The following BTAF1 variants were observed in gnomAD, a reference collection of about 807,000 sequenced individuals.
The protein encoded by BTAF1 is TATA-binding protein-associated factor 172.
BTAF1 carries 38 observed loss-of-function variants against 227.1 expected under a neutral mutation model. That is an observed-to-expected ratio of 0.17 (90% confidence interval 0.13 to 0.22). The LOEUF (loss-of-function observed/expected upper bound fraction) is 0.22, where lower values mean the gene tolerates loss of function less well. Among genes scored for constraint, BTAF1 ranks in the 10% least tolerant of loss-of-function variants. The pLI is 1.00. For synonymous variants in BTAF1, 742 were observed against 751.9 expected, an observed-to-expected ratio of 0.99 and a Z score of 0.21; for missense variants, 1,598 against 2,204.0, an observed-to-expected ratio of 0.73 and a Z score of 5.51.
chr10:92,026,561 G>T, intron 35 of BTAF1, 31 bp from the exon 36 acceptor site: 1 of 1,548,938 alleles, frequency 6.5e-7, no homozygotes, highest in South Asian at 1.2e-5. Flanking sequence ...CTTAAGAATG[G>T]ACTAATTTTA....
At chr10:91,941,530 A>G (rs767018294) in intron 3 of BTAF1, among the ~76,000 whole-genome samples, 47 of 152,326 alleles carry the variant, frequency 3.1e-4, no homozygotes, top group Non-Finnish European at 6.3e-4. Context: ...TAGACCTCAC[A>G]TGGATATGTG....
intron 3 of BTAF1, 37 bp downstream of exon 3, chr10:91,940,103 C>CCTAA: frequency 7.5e-7 from 1 of 1,342,120 alleles, no homozygotes; most frequent in South Asian, 1.2e-5. Flanking sequence ...TAAGTAAAAA[C>CCTAA]CTAACTGTAG....
At position 91,956,570 on chromosome 10, in the gene BTAF1, A is replaced by G; in HGVS notation, c.744A>G (p.Lys248=). 1 of 1,600,382 alleles carries G rather than the reference A, an allele frequency of 6.2e-7. No individual in the cohort carries two copies. Among genetic ancestry groups the G allele is most frequent in the Non-Finnish European group, 8.5e-7 (1 of 1,176,594 alleles). The part of the protein sequence containing the change: ...TDGEPEEKRR[K]IANVVINQSA... ...GGGAGCCAGAAGAAAAGAGACGGAA[A>G]ATAGCAAATGTTGTTATTAATCAGT... Residue 248 remains lysine (K), a synonymous_variant, in exon 7 of 38, where the codon AAA becomes AAG. Transcript: ENST00000265990.
chr10:91,958,852 T>G (rs1449082823), intron 8 of BTAF1, among the ~76,000 whole-genome samples: 1 of 152,230 alleles, frequency 6.6e-6, no homozygotes, highest in Middle Eastern at 3.2e-3. Context: ...TTTTCTTGCT[T>G]GATTTTTAAA....
At position 91,982,743 on chromosome 10, in the gene BTAF1, A is replaced by C. The variant is rs775854329; in HGVS notation, c.2205A>C (p.Glu735Asp). The change falls in exon 18 of 38, where the codon GAA (glutamate) becomes GAC (aspartate). Residue 735 changes from glutamate (E) to aspartate (D), a missense_variant. Coordinates refer to ENST00000265990, the MANE Select transcript of BTAF1 (RefSeq NM_003972.3). ...TTAGTGTAGCTTTGGTAATCTGTGAATGGGCTGCTTTACAAAAGGTAAGAT... is the reference window on the plus strand; with the variant it reads ...TTAGTGTAGCTTTGGTAATCTGTGACTGGGCTGCTTTACAAAAGGTAAGAT... ...QRISVALVICEWAALQKECKA... is the reference protein window; with the variant it reads ...QRISVALVICDWAALQKECKA... 6.2e-7 allele frequency: 1 copy of C among 1,609,690 alleles called. No individual in the cohort carries two copies. Among genetic ancestry groups the C allele is most frequent in the Non-Finnish European group, 8.5e-7 (1 of 1,178,112 alleles).
chr10:92,010,756 A>G (rs1316296744), intron 28 of BTAF1, among the ~76,000 whole-genome samples: 1 of 152,244 alleles, frequency 6.6e-6, no homozygotes, highest in Admixed American at 6.5e-5. Context: ...ATGGGGACAC[A>G]TGATTGGTAG....
At chr10:91,996,997 C>G (rs1808842720) in intron 24 of BTAF1, 1 of 689,932 alleles carries the variant, frequency 1.4e-6, no homozygotes, top group Admixed American at 2.7e-5. Flanking sequence ...CCATATTATA[C>G]TAGATAATTA....
intron 1 of BTAF1, among the ~76,000 whole-genome samples, chr10:91,927,911 G>A (rs192298040): frequency 2.3e-4 from 34 of 150,358 alleles, no homozygotes; most frequent in African/African-American, 5.6e-4. Flanking sequence ...TGATTTTACC[G>A]TAATTTGTGC....
intron 37 of BTAF1, among the ~76,000 whole-genome samples, chr10:92,028,202 T>C (rs1237076952): frequency 6.6e-6 from 1 of 152,186 alleles, no homozygotes; most frequent in Non-Finnish European, 1.5e-5. Flanking sequence ...TTTATTCTGT[T>C]TGAAGGAATA....
intron 4 of BTAF1, among the ~76,000 whole-genome samples, chr10:91,947,929 C>T (rs1398664581): frequency 6.6e-6 from 1 of 151,958 alleles, no homozygotes; most frequent in East Asian, 1.9e-4. Context: ...GAATTGTTTT[C>T]TTAATTTCAT....
chr10:91,924,061 C>A lies in BTAF1; in HGVS notation c.-16C>A. The A allele has an allele frequency of 6.2e-7, 1 of 1,607,534 alleles. No homozygotes were observed. The highest frequency in any genetic ancestry group is 2.3e-5 in the East Asian group (1 of 44,356). On this transcript the variant is annotated 5_prime_UTR_variant, in exon 1 of 38. Coordinates refer to ENST00000265990, the MANE Select transcript of BTAF1 (RefSeq NM_003972.3). The stretch of plus-strand genomic sequence containing the variant: ...CGCGTAGGTCGCGGGGAGCTCCGAA[C>A]CGCCGGCGCCCGGCCATGGCGGTCT...
At chr10:91,961,996 T>C (rs1010169647) in intron 11 of BTAF1, among the ~76,000 whole-genome samples, 1 of 152,204 alleles carries the variant, frequency 6.6e-6, no homozygotes, top group South Asian at 2.1e-4. Context: ...TTTGATGTTT[T>C]ATGTCTCATT....
At chr10:91,956,807 G>A in intron 7 of BTAF1, 150 bp downstream of exon 7, 1 of 776,698 alleles carries the variant, frequency 1.3e-6, no homozygotes, top group Non-Finnish European at 2.0e-6. Context: ...TGGCCAACAT[G>A]GTGAAACCCT....
In BTAF1 at chr10:91,975,515, T is replaced by C. The variant is rs1229375723; in HGVS notation, c.1651-4939T>C. On this transcript the variant is annotated intron_variant, in intron 14 of 37. Coordinates refer to ENST00000265990, the MANE Select transcript of BTAF1 (RefSeq NM_003972.3). ...ACAAGGCATTATAAACTGTCTGATA[T>C]GGAAATTTTCTTTTCCTTTGGCTGT... 3.3e-5 allele frequency among the ~76,000 whole-genome samples: 5 copies of C among 152,252 alleles called. No homozygotes were observed. The East Asian group carries it at 7.7e-4, about 23-fold the overall frequency.
chr10:91,945,521 T>C (rs1845308169), intron 4 of BTAF1, among the ~76,000 whole-genome samples: 1 of 152,212 alleles, frequency 6.6e-6, no homozygotes, highest in South Asian at 2.1e-4. Context: ...AGATGCCTCA[T>C]GTAAGTGAAT....
chr10:91,937,140 G>A (rs958077143), intron 2 of BTAF1, among the ~76,000 whole-genome samples: 3 of 151,686 alleles, frequency 2.0e-5, no homozygotes, highest in Middle Eastern at 3.4e-3. Flanking sequence ...GACTACAGGC[G>A]TGCACCACCA....
rs575143497 is a variant in BTAF1 at position 91,991,043 on chromosome 10, G to A, written c.2855-1076G>A. On this transcript the variant is annotated intron_variant, in intron 20 of 37. Transcript: ENST00000265990. ...GGGTGGATCACGAGGTCAGAAGTTC[G>A]AGACCATCCTGACTAGCATGGTGAA... Among the ~76,000 whole-genome samples, 22 of 150,968 alleles carry A rather than the reference G, an allele frequency of 1.5e-4. No homozygotes were observed. The South Asian group carries it at 1.5e-3, about 10-fold the overall frequency.
rs1843667530 is a variant in BTAF1, at chr10:91,924,148, T to A, written c.14+58T>A. 4.4e-6 allele frequency: 7 copies of A among 1,587,012 alleles called. No homozygotes were observed. In the Admixed American group the frequency reaches 1.1e-4, roughly 24 times the overall value. The stretch of plus-strand genomic sequence containing the variant: ...GCGATTCAGGGAAGGCATGGTCTCC[T>A]CTTAGAGCCCCCACTCCTAGAGAAG... On this transcript the variant is annotated intron_variant, in intron 1 of 37. Transcript: ENST00000265990.
chr10:91,964,640 G>A (rs2133914176), intron 13 of BTAF1, among the ~76,000 whole-genome samples: 1 of 151,798 alleles, frequency 6.6e-6, no homozygotes, highest in East Asian at 1.9e-4. Flanking sequence ...TCTTGTTCTT[G>A]ATTTCAGTAA....
Sources: gnomAD v4.1 joint callset for allele counts (sites outside exome capture counted in the v4.1 genomes callset) on GRCh38, gnomAD v4.1.1 for gene constraint, MANE v1.5 for transcripts, NCBI Gene and HGNC (gene_info 2026-07-23, HGNC 2026-07-21) for gene names.